The following PCDH17 variants were observed in gnomAD, a reference collection of about 807,000 sequenced individuals.
The protein encoded by PCDH17 is protocadherin 17.
A neutral mutation model predicts 67.7 loss-of-function variants in PCDH17; 21 were observed. The observed-to-expected ratio is 0.31, with a 90% CI of 0.22 to 0.45. PCDH17 has a LOEUF of 0.45. Ranked by LOEUF, PCDH17 falls within the 20% of genes least tolerant of loss-of-function variation. The probability of loss-of-function intolerance (pLI) is 1.00; values close to 1 mark genes in which losing one functional copy is unlikely to be tolerated. For synonymous variants in PCDH17, 701 were observed against 656.7 expected, an observed-to-expected ratio of 1.07 and a Z score of -1.03; for missense variants, 1,471 against 1,564.8, an observed-to-expected ratio of 0.94 and a Z score of 1.01.
chr13:57,634,019 G>A lies in PCDH17; in HGVS notation c.1473G>A (p.Leu491=), dbSNP rs1480262736. The A allele has an allele frequency of 1.2e-6, 2 of 1,613,438 alleles. No homozygotes were observed. The highest frequency in any genetic ancestry group is 1.7e-6 in the Non-Finnish European group (2 of 1,180,022). Reference sequence around the variant, plus strand: ...AGAACAACATCCCGGGAGAGTACCTGGGCTCTGTGCTCGCCCAGGATCCCG... The same window carrying A: ...AGAACAACATCCCGGGAGAGTACCTAGGCTCTGTGCTCGCCCAGGATCCCG... The part of the protein sequence containing the change: ...VHENNIPGEY[L]GSVLAQDPDL... The change falls in exon 1 of 4, where the codon CTG becomes CTA. Residue 491 remains leucine (L), a synonymous_variant. Transcript: ENST00000377918. This position sits in a 1 kb window ranked among gnomAD's most constrained non-coding sequence, Gnocchi z 7.8.
At chr13:57,637,222 C>T (rs1954834904) in intron 1 of PCDH17, among the ~76,000 whole-genome samples, 2 of 151,972 alleles carry the variant, frequency 1.3e-5, no homozygotes, top group African/African-American at 4.8e-5. Flanking sequence ...TGTTTTAAGT[C>T]CTTGAAATGT....
At chr13:57,697,011 A>G (rs1187844502) in intron 3 of PCDH17, among the ~76,000 whole-genome samples, 1 of 151,606 alleles carries the variant, frequency 6.6e-6, no homozygotes, top group Non-Finnish European at 1.5e-5. Flanking sequence ...AGTAGGCTTG[A>G]AGAAATCATT....
At chr13:57,716,537 G>T (rs1027006873) in intron 3 of PCDH17, among the ~76,000 whole-genome samples, 4 of 151,728 alleles carry the variant, frequency 2.6e-5, no homozygotes, top group African/African-American at 9.7e-5. Context: ...ATCAGCCTTT[G>T]AATCACAGAT....
chr13:57,690,526 A>G (rs1385435847), intron 3 of PCDH17, among the ~76,000 whole-genome samples: 1 of 151,642 alleles, frequency 6.6e-6, no homozygotes, highest in East Asian at 1.9e-4. Context: ...AGAACAGTTT[A>G]GAAAACCTAA....
At chr13:57,699,817 A>G (rs1955645868) in intron 3 of PCDH17, among the ~76,000 whole-genome samples, 1 of 152,098 alleles carries the variant, frequency 6.6e-6, no homozygotes, top group Non-Finnish European at 1.5e-5. Context: ...AAATTTTAAA[A>G]TATTAAAAAT....
rs1231661607 is a variant in PCDH17 at position 57,633,724 on chromosome 13, G to A, written c.1178G>A (p.Gly393Asp). Residue 393 changes from glycine (G) to aspartate (D), a missense_variant, in exon 1 of 4, where the codon GGC becomes GAC. Physicochemically the swap from Gly to Asp is moderately conservative, Grantham distance 94 (BLOSUM62 -1). This residue lies in a region of PCDH17 where 1,163 missense variants were observed against 1,230.0 expected (regional missense o/e 0.95). Transcript: ENST00000377918. The surrounding 1 kb of genome is among the most constrained non-coding windows in gnomAD (Gnocchi z 6.2). ...GGACAGCTGCAGTGTCGGGTCCTAGGCGGAGGAGGGACGGGCGGCGGCGGG... is the reference window on the plus strand; with the variant it reads ...GGACAGCTGCAGTGTCGGGTCCTAGACGGAGGAGGGACGGGCGGCGGCGGG... ...KNGQLQCRVL[G>D]GGGTGGGGGL... The A allele has an allele frequency of 1.2e-6, 2 of 1,600,452 alleles. No individual in the cohort carries two copies. The highest frequency in any genetic ancestry group is 1.7e-6 in the Non-Finnish European group (2 of 1,178,738).
rs114285089 is a variant in PCDH17, at chr13:57,692,937, A to G, written c.2797+26104A>G. On this transcript the variant is annotated intron_variant, in intron 3 of 3. Transcript: ENST00000377918. ...ACTTGTTTTAGAATTAAGTTATTGT[A>G]TGCCCATTTCTCTCACAAATACATA... 3.8e-3 allele frequency among the ~76,000 whole-genome samples: 579 copies of G among 151,204 alleles called. 5 individuals carry two copies. The highest frequency in any genetic ancestry group is 0.013 in the African/African-American group (558 of 41,490).
At chr13:57,674,524 G>A (rs1593918243) in intron 3 of PCDH17, among the ~76,000 whole-genome samples, 1 of 151,820 alleles carries the variant, frequency 6.6e-6, no homozygotes, top group East Asian at 2.0e-4. Flanking sequence ...ATGGGGTCTT[G>A]TTTCATTGGC....
intron 3 of PCDH17, among the ~76,000 whole-genome samples, chr13:57,724,166 T>A (rs1955893641): frequency 6.6e-6 from 1 of 152,232 alleles, no homozygotes; most frequent in African/African-American, 2.4e-5. Flanking sequence ...AAACGTTTTT[T>A]AAAGAGCAGC....
intron 3 of PCDH17, among the ~76,000 whole-genome samples, chr13:57,695,515 G>T (rs1182775020): frequency 6.6e-6 from 1 of 151,184 alleles, no homozygotes. Context: ...GGATGGAAAA[G>T]ATTGGTTTCT....
At chr13:57,708,736 G>A (rs1955744578) in intron 3 of PCDH17, among the ~76,000 whole-genome samples, 1 of 151,878 alleles carries the variant, frequency 6.6e-6, no homozygotes, top group South Asian at 2.1e-4. Flanking sequence ...ATTTTCCAGG[G>A]GAGGGGCAAA....
At chr13:57,711,535 C>T (rs1192662052) in intron 3 of PCDH17, among the ~76,000 whole-genome samples, 1 of 151,694 alleles carries the variant, frequency 6.6e-6, no homozygotes, top group African/African-American at 2.4e-5. Flanking sequence ...AGCTGTATTC[C>T]TTGGGTGATA....
chr13:57,669,834 T>C (rs1253277223), intron 3 of PCDH17, among the ~76,000 whole-genome samples: 1 of 152,088 alleles, frequency 6.6e-6, no homozygotes, highest in Non-Finnish European at 1.5e-5. Context: ...GACTCATTGC[T>C]ATGAGAATAT....
At chr13:57,671,230 G>A (rs1955317275) in intron 3 of PCDH17, among the ~76,000 whole-genome samples, 2 of 151,404 alleles carry the variant, frequency 1.3e-5, no homozygotes, top group Non-Finnish European at 2.9e-5. Flanking sequence ...TAATAAAAAG[G>A]TAAATATGTA....
In PCDH17 at chr13:57,657,332, C is replaced by A. The variant is rs1051099221; in HGVS notation, c.2566-9136C>A. Reference sequence around the variant, plus strand: ...AGAATACCCAATGTTTTTATTACGCCTTTAGTAGCAAAACACAAATGTCAA... The same window carrying A: ...AGAATACCCAATGTTTTTATTACGCATTTAGTAGCAAAACACAAATGTCAA... On this transcript the variant is annotated intron_variant, in intron 1 of 3. Coordinates refer to ENST00000377918, the MANE Select transcript of PCDH17 (RefSeq NM_001040429.3). Among the ~76,000 whole-genome samples the A allele has an allele frequency of 3.3e-5, 5 of 152,110 alleles. 1 individual carries two copies. In the South Asian group the frequency reaches 1.0e-3, roughly 32 times the overall value.
In PCDH17 at chr13:57,703,566, C is replaced by T. The variant is rs567053494; in HGVS notation, c.2798-21046C>T. Among the ~76,000 whole-genome samples, 65 of 152,178 alleles carry T rather than the reference C, an allele frequency of 4.3e-4. 1 individual carries two copies. In the South Asian group the frequency reaches 0.013, roughly 30 times the overall value. On this transcript the variant is annotated intron_variant, in intron 3 of 3. Transcript: ENST00000377918. ...GCACTTTCTATTATGTTTTATTGTT[C>T]TGTTCAAAGGCTTCAGATTAATTAT...
intron 3 of PCDH17, among the ~76,000 whole-genome samples, chr13:57,710,684 A>G (rs978367989): frequency 6.6e-6 from 1 of 151,950 alleles, no homozygotes; most frequent in African/African-American, 2.4e-5. Flanking sequence ...GCATAGTTTA[A>G]TCACTACTTA....
In PCDH17 at chr13:57,632,488, G is replaced by T. The variant is rs1954738764; in HGVS notation, c.-59G>T. ...CTGCGCCAGGGCCCCAGGCTGGCGCGCACTCCCTCTCTGGCTCCTCCAGTC... is the reference window on the plus strand; with the variant it reads ...CTGCGCCAGGGCCCCAGGCTGGCGCTCACTCCCTCTCTGGCTCCTCCAGTC... On this transcript the variant is annotated 5_prime_UTR_variant, in exon 1 of 4. Coordinates refer to ENST00000377918, the MANE Select transcript of PCDH17 (RefSeq NM_001040429.3). 1.3e-6 allele frequency: 2 copies of T among 1,526,504 alleles called. No homozygotes were observed. Among genetic ancestry groups the T allele is most frequent in the African/African-American group, 1.4e-5 (1 of 72,304 alleles). The allele number at this position is 1,526,504 out of a possible 1,614,324, so 94.6% of individuals were successfully genotyped here.
At chr13:57,719,593 G>A (rs1955856374) in intron 3 of PCDH17, among the ~76,000 whole-genome samples, 1 of 151,994 alleles carries the variant, frequency 6.6e-6, no homozygotes, top group Admixed American at 6.6e-5. Flanking sequence ...ATCCTTTTAT[G>A]CTCTCTAAAA....
Sources: allele counts gnomAD v4.1 joint callset (sites outside exome capture counted in the v4.1 genomes callset), GRCh38; gene constraint gnomAD v4.1.1; regional missense constraint gnomAD v4.1.1; non-coding constraint Gnocchi (gnomAD v3.1); transcripts MANE v1.5; gene names NCBI Gene and HGNC (gene_info 2026-07-23, HGNC 2026-07-21).